Variants in VTI1A observed in about 807,000 individuals in gnomAD.
The protein encoded by VTI1A is vesicle transport through interaction with t-SNAREs 1A.
In VTI1A, 22 loss-of-function variants were observed where a neutral mutation model predicts 34.9. The ratio of observed to expected loss-of-function variants is 0.63; its 90% confidence interval spans 0.45 to 0.90. The LOEUF is 0.90. Among genes scored for constraint, VTI1A ranks in the 40% least tolerant of loss-of-function variants. The pLI, the probability that VTI1A is intolerant of heterozygous loss-of-function variation, is 0.00. For synonymous variants in VTI1A, 87 were observed against 97.3 expected (o/e 0.89, Z 0.62); for missense variants, 268 against 275.6 (o/e 0.97, Z 0.20).
the VTI1A span, among the ~76,000 whole-genome samples, chr10:112,843,258 A>C: frequency 6.6e-6 from 1 of 152,248 alleles, no homozygotes; most frequent in Non-Finnish European, 1.5e-5. Flanking sequence ...CCTGAGATGC[A>C]GACTGTAGAA....
intron 1 of VTI1A, among the ~76,000 whole-genome samples, chr10:112,452,792 A>G (rs564660079): frequency 1.5e-4 from 23 of 151,994 alleles, no homozygotes; most frequent in Admixed American, 2.6e-4. Flanking sequence ...ATTTACAGAA[A>G]AATCACAAAG....
chr10:112,656,147 C>T (rs1377652708), intron 5 of VTI1A, among the ~76,000 whole-genome samples: 1 of 152,146 alleles, frequency 6.6e-6, no homozygotes, highest in South Asian at 2.1e-4. Context: ...GTCTTATCCC[C>T]TGTGCCAACC....
chr10:112,571,620 G>A (rs981432379), intron 5 of VTI1A, among the ~76,000 whole-genome samples: 12 of 152,054 alleles, frequency 7.9e-5, no homozygotes, highest in African/African-American at 2.9e-4. Context: ...ATTCCACCTG[G>A]CAATCCCATT....
chr10:112,782,688 G>A (rs1006537283), intron 7 of VTI1A, among the ~76,000 whole-genome samples: 11 of 152,160 alleles, frequency 7.2e-5, no homozygotes, highest in Admixed American at 6.5e-4. Context: ...ATCGGACACA[G>A]CATTCTTCAT....
intron 7 of VTI1A, among the ~76,000 whole-genome samples, chr10:112,765,376 A>G (rs1851613421): frequency 6.6e-6 from 1 of 151,762 alleles, no homozygotes; most frequent in Non-Finnish European, 1.5e-5. Context: ...CACCCAGCTA[A>G]TTTTTGTATT....
chr10:112,573,574 G>C (rs1206967487), intron 5 of VTI1A, among the ~76,000 whole-genome samples: 1 of 152,192 alleles, frequency 6.6e-6, no homozygotes, highest in African/African-American at 2.4e-5. Flanking sequence ...GTAATATAGT[G>C]AAAAGACCAC....
At chr10:112,666,773 A>C (rs1264472364) in intron 5 of VTI1A, among the ~76,000 whole-genome samples, 1 of 152,166 alleles carries the variant, frequency 6.6e-6, no homozygotes, top group African/African-American at 2.4e-5. Flanking sequence ...AGAGTGGCAA[A>C]ATCATAGTAG....
intron 5 of VTI1A, among the ~76,000 whole-genome samples, chr10:112,630,860 G>C (rs1304631042): frequency 6.6e-6 from 1 of 152,168 alleles, no homozygotes. Flanking sequence ...GGTGGCTCAT[G>C]CCTGTAATCC....
chr10:112,566,490 A>G (rs528458097), intron 5 of VTI1A, among the ~76,000 whole-genome samples: 14 of 152,346 alleles, frequency 9.2e-5, no homozygotes, highest in Admixed American at 8.5e-4. Flanking sequence ...TTGATCTTGC[A>G]TCTTGCAGAT....
At chr10:112,787,949 G>C (rs905684637) in intron 7 of VTI1A, among the ~76,000 whole-genome samples, 1 of 151,580 alleles carries the variant, frequency 6.6e-6, no homozygotes, top group African/African-American at 2.4e-5. Context: ...TGATCCACCT[G>C]CCTCGGCCTC....
At chr10:112,751,795 C>A (rs1851116443) in intron 7 of VTI1A, among the ~76,000 whole-genome samples, 1 of 152,164 alleles carries the variant, frequency 6.6e-6, no homozygotes, top group Non-Finnish European at 1.5e-5. Context: ...AATGTCGCAT[C>A]CTGCAGAGGT....
At chr10:112,805,798 A>G (rs1006777350) in intron 7 of VTI1A, among the ~76,000 whole-genome samples, 1 of 152,178 alleles carries the variant, frequency 6.6e-6, no homozygotes, top group Non-Finnish European at 1.5e-5. Context: ...AGAGGCATGG[A>G]TCAGACTCTC....
Position 112,815,409 on chromosome 10 carries a change from G to A in VTI1A, c.*26G>A, listed in dbSNP as rs752034821. 11 of 1,574,138 alleles carry A rather than the reference G, an allele frequency of 7.0e-6. No individual in the cohort carries two copies. In the South Asian group the frequency reaches 1.2e-4, roughly 17 times the overall value. On this transcript the variant is annotated 3_prime_UTR_variant, in exon 8 of 8. Transcript: ENST00000393077. The stretch of plus-strand genomic sequence containing the variant: ...TGTATCTGCTCTCCCTTGATAAACA[G>A]CAACAACAGCTTGTTCTGAGTAATT...
chr10:112,776,701 C>T (rs965302409), intron 7 of VTI1A, among the ~76,000 whole-genome samples: 3 of 124,776 alleles, frequency 2.4e-5, no homozygotes, highest in African/African-American at 9.9e-5. Context: ...TTTTTTGAGA[C>T]GGAGTCTTGT....
At chr10:112,591,542 C>T (rs147922282) in intron 5 of VTI1A, among the ~76,000 whole-genome samples, 13 of 83,526 alleles carry the variant, frequency 1.6e-4, no homozygotes, top group Non-Finnish European at 3.6e-4. Flanking sequence ...ACACACAAAA[C>T]GAAGAAGAGA....
intron 5 of VTI1A, among the ~76,000 whole-genome samples, chr10:112,579,942 C>G (rs1057012374): frequency 2.0e-5 from 3 of 152,046 alleles, no homozygotes; most frequent in Non-Finnish European, 4.4e-5. Flanking sequence ...CTTTTAGGAA[C>G]AGAAAAGTTT....
At chr10:112,622,839 G>A (rs1845783770) in intron 5 of VTI1A, among the ~76,000 whole-genome samples, 1 of 152,180 alleles carries the variant, frequency 6.6e-6, no homozygotes. Context: ...AATAAGAATA[G>A]GCTGTTACTT....
intron 7 of VTI1A, among the ~76,000 whole-genome samples, chr10:112,775,925 A>C (rs1477847109): frequency 1.3e-5 from 2 of 152,236 alleles, no homozygotes; most frequent in Non-Finnish European, 2.9e-5. Context: ...TGAAAGAATA[A>C]ACAGTTCCTT....
chr10:112,679,051 G>A (rs1848125699), intron 7 of VTI1A, among the ~76,000 whole-genome samples: 1 of 152,134 alleles, frequency 6.6e-6, no homozygotes, highest in Non-Finnish European at 1.5e-5. Flanking sequence ...CTTTGGTGCT[G>A]TTCCTAAAGT....
Sources: gnomAD v4.1 joint callset for allele counts (sites outside exome capture counted in the v4.1 genomes callset) on GRCh38, gnomAD v4.1.1 for gene constraint, MANE v1.5 for transcripts, NCBI Gene and HGNC (gene_info 2026-07-23, HGNC 2026-07-21) for gene names.